The following PCDHA8 variants were observed in gnomAD, a reference collection of about 807,000 sequenced individuals.
The protein encoded by PCDHA8 is protocadherin alpha 8.
A neutral mutation model predicts 61.8 loss-of-function variants in PCDHA8; 53 were observed. That is an observed-to-expected ratio of 0.86 (90% CI 0.69 to 1.08). The LOEUF is 1.08. PCDHA8 is among the 50% of genes least tolerant of loss of function. The pLI, the probability that PCDHA8 is intolerant of heterozygous loss-of-function variation, is 0.00. For synonymous variants in PCDHA8, 618 were observed against 556.6 expected (o/e 1.11, Z -1.55); for missense variants, 1,293 against 1,245.0 (o/e 1.04, Z -0.58).
chr5:140,885,319 T>C (rs2060561832), intron 1 of PCDHA8, among the ~76,000 whole-genome samples: 1 of 152,216 alleles, frequency 6.6e-6, no homozygotes, highest in Admixed American at 6.5e-5. Context: ...TGTTATTATT[T>C]CTTTTCCAAA....
intron 3 of PCDHA8, among the ~76,000 whole-genome samples, chr5:141,006,417 G>A (rs1010340395): frequency 6.6e-6 from 1 of 152,030 alleles, no homozygotes; most frequent in Admixed American, 6.6e-5. Flanking sequence ...GTTTCACTGT[G>A]TTAGCCAGGA....
rs1164447924 is a variant in PCDHA8, at chr5:141,009,514, AT to A, written c.2543-108del. The A allele has an allele frequency of 1.5e-5, 22 of 1,501,204 alleles. 1 individual carries two copies. The South Asian group carries it at 1.9e-4, about 13-fold the overall frequency. 93.0% of individuals were successfully genotyped at this position (1,501,204 alleles called of 1,614,324 possible). ...CTCAGACTTGAACAAACAACTCGTG[AT>A]TTTTCTGGGGAGGTTCAGCCTGCCT... On this transcript the variant is annotated intron_variant, in intron 3 of 3. Coordinates refer to ENST00000531613, the MANE Select transcript of PCDHA8 (RefSeq NM_018911.3).
chr5:140,966,216 C>T (rs1189015388), intron 1 of PCDHA8: 1 of 247,072 alleles, frequency 4.0e-6, no homozygotes, highest in African/African-American at 2.2e-5. Flanking sequence ...TTTTCCCAGA[C>T]TAATCTCCTT....
At chr5:140,870,425 C>T (rs531014522) in intron 1 of PCDHA8, 19 of 1,614,072 alleles carry the variant, frequency 1.2e-5, no homozygotes, top group Non-Finnish European at 1.5e-5. Context: ...GCCAGGGTAT[C>T]CGTGGAGGTG....
chr5:140,911,036 G>A (rs2075296113), intron 1 of PCDHA8, among the ~76,000 whole-genome samples: 1 of 152,104 alleles, frequency 6.6e-6, no homozygotes, highest in African/African-American at 2.4e-5. Flanking sequence ...AGGTCTAGAA[G>A]CAAACAGGGG....
chr5:140,923,189 C>A (rs1452451112), intron 1 of PCDHA8, among the ~76,000 whole-genome samples: 1 of 152,210 alleles, frequency 6.6e-6, no homozygotes, highest in African/African-American at 2.4e-5. Flanking sequence ...GCATCTACTG[C>A]AGCAATTTGG....
At chr5:140,964,753 T>A (rs1411001872) in intron 1 of PCDHA8, among the ~76,000 whole-genome samples, 1 of 149,084 alleles carries the variant, frequency 6.7e-6, no homozygotes, top group East Asian at 1.9e-4. Context: ...TGTAGGGATG[T>A]TTGGGGAGGA....
chr5:140,871,255 A>G (rs201468806), intron 1 of PCDHA8: 9 of 1,613,976 alleles, frequency 5.6e-6, no homozygotes, highest in Non-Finnish European at 7.6e-6. Context: ...GCTGCTGTAT[A>G]CGGCGCTGTG....
intron 1 of PCDHA8, among the ~76,000 whole-genome samples, chr5:140,844,486 G>T (rs1279388855): frequency 6.7e-6 from 1 of 148,992 alleles, no homozygotes; most frequent in Non-Finnish European, 1.5e-5. Context: ...CTATGTTTAG[G>T]AAATGATTAC....
chr5:140,895,023 T>C (rs781895966), intron 1 of PCDHA8, among the ~76,000 whole-genome samples: 2 of 152,204 alleles, frequency 1.3e-5, no homozygotes, highest in Non-Finnish European at 2.9e-5. Flanking sequence ...TTTCCTTTGT[T>C]TAATTGTCCC....
chr5:140,896,386 C>T (rs575002506), intron 1 of PCDHA8, among the ~76,000 whole-genome samples: 1 of 152,124 alleles, frequency 6.6e-6, no homozygotes, highest in African/African-American at 2.4e-5. Context: ...TGCAACCTCA[C>T]CAGCATCTGT....
intron 1 of PCDHA8, among the ~76,000 whole-genome samples, chr5:140,935,894 C>CTT (rs55841305): frequency 0.3 from 41,439 of 136,538 alleles, 6,640 homozygotes; most frequent in East Asian, 0.49. Context: ...TCAATATTAT[C>CTT]TTTTTTTTTT....
In PCDHA8 at chr5:141,011,214, T is replaced by C. The variant is rs2098419822; in HGVS notation, c.*1277T>C. On this transcript the variant is annotated 3_prime_UTR_variant, in exon 4 of 4. Transcript: ENST00000531613. ...ATTGTTTTCTCATACAGTGAGCAGA[T>C]TTTTCAATCTACTAATTCTGTGACT... 1 of 153,748 alleles carries C rather than the reference T, an allele frequency of 6.5e-6. No individual in the cohort carries two copies. Among genetic ancestry groups the C allele is most frequent in the African/African-American group, 2.4e-5 (1 of 41,448 alleles). The allele number at this position is 153,748 out of a possible 1,614,324, so 9.5% of individuals were successfully genotyped here. A position where few individuals can be genotyped will look rare whatever the true frequency, so the allele number is the denominator to read the frequency against.
intron 1 of PCDHA8, chr5:140,871,434 A>G (rs781977570): frequency 1.9e-6 from 3 of 1,612,514 alleles, no homozygotes; most frequent in Non-Finnish European, 2.5e-6. Context: ...GTCTTCCTCT[A>G]GGTCTGAATA....
intron 1 of PCDHA8, chr5:140,861,477 A>AT (rs2046941356): frequency 1.6e-5 from 8 of 493,206 alleles, no homozygotes; most frequent in South Asian, 1.2e-4. Context: ...GCAGAATGGC[A>AT]TTTTTGTGAG....
Position 141,010,271 on chromosome 5 carries a change from C to T in PCDHA8, c.*334C>T, listed in dbSNP as rs1031489236. The T allele has an allele frequency of 5.5e-5, 85 of 1,551,586 alleles. No individual in the cohort carries two copies. The highest frequency in any genetic ancestry group is 7.2e-5 in the Non-Finnish European group (83 of 1,146,992). On this transcript the variant is annotated 3_prime_UTR_variant, in exon 4 of 4. Coordinates refer to ENST00000531613, the MANE Select transcript of PCDHA8 (RefSeq NM_018911.3). ...CTCTCTGCCCTGTGCTCCGGGGATCCTGTCTTGATGACACTTGCAGGGCAG... is the reference window on the plus strand; with the variant it reads ...CTCTCTGCCCTGTGCTCCGGGGATCTTGTCTTGATGACACTTGCAGGGCAG...
At chr5:140,974,828 A>T (rs2096642920) in intron 1 of PCDHA8, among the ~76,000 whole-genome samples, 1 of 152,188 alleles carries the variant, frequency 6.6e-6, no homozygotes, top group Non-Finnish European at 1.5e-5. Flanking sequence ...CAACATAATG[A>T]TTATTTTAAA....
At position 140,939,517 on chromosome 5, in the gene PCDHA8, G is replaced by GACATTGTAGAATTATAGAATTCTACATAA. The variant is rs559604027; in HGVS notation, c.2395-39432_2395-39431insACATTGTAGAATTATAGAATTCTACATAA. 5.4e-3 allele frequency among the ~76,000 whole-genome samples: 825 copies of GACATTGTAGAATTATAGAATTCTACATAA among 152,166 alleles called. 3 individuals carry two copies. Among genetic ancestry groups the GACATTGTAGAATTATAGAATTCTACATAA allele is most frequent in the African/African-American group, 0.019 (794 of 41,518 alleles). On this transcript the variant is annotated intron_variant, in intron 1 of 3. Coordinates refer to ENST00000531613, the MANE Select transcript of PCDHA8 (RefSeq NM_018911.3). Reference sequence around the variant, plus strand: ...AAATTCAATGTCTATAACATTAATAGTTATAGAATTATACAGAGCCTCTAT... The same window carrying GACATTGTAGAATTATAGAATTCTACATAA: ...AAATTCAATGTCTATAACATTAATAGACATTGTAGAATTATAGAATTCTACATAATTATAGAATTATACAGAGCCTCTAT...
At chr5:140,891,452 TG>T (rs2063116437) in intron 1 of PCDHA8, among the ~76,000 whole-genome samples, 1 of 150,254 alleles carries the variant, frequency 6.7e-6, no homozygotes, top group Non-Finnish European at 1.5e-5. Flanking sequence ...ATAGGATTTT[TG>T]AATTTGTGAA....
Sources: allele counts gnomAD v4.1 joint callset (sites outside exome capture counted in the v4.1 genomes callset), GRCh38; gene constraint gnomAD v4.1.1; transcripts MANE v1.5; gene names NCBI Gene and HGNC (gene_info 2026-07-23, HGNC 2026-07-21).